The following CCN6 variants were observed in gnomAD, a reference collection of about 807,000 sequenced individuals.
CCN6 encodes the protein CCN family member 6.
In CCN6, 31 loss-of-function variants were observed where a neutral mutation model predicts 37.4. The observed-to-expected ratio is 0.83, with a 90% CI of 0.62 to 1.12. The LOEUF (loss-of-function observed/expected upper bound fraction) is 1.12, where lower values mean the gene tolerates loss of function less well. Ranked by LOEUF, CCN6 falls within the 50% of genes most tolerant of loss-of-function variation. The probability of loss-of-function intolerance (pLI) is 0.00; values close to 1 mark genes in which losing one functional copy is unlikely to be tolerated. For missense variants in CCN6, 369 were observed against 413.8 expected, an observed-to-expected ratio of 0.89 and a Z score of 0.94; for synonymous variants, 137 against 142.1, an observed-to-expected ratio of 0.96 and a Z score of 0.26.
At chr6:112,068,094 A>G (rs1776752602) in intron 3 of CCN6, 111 bp from the exon 4 acceptor site, 2 of 930,002 alleles carry the variant, frequency 2.2e-6, no homozygotes, top group African/African-American at 1.7e-5. Flanking sequence ...ATTCTGAGTT[A>G]TATTATACAA....
Position 112,054,286 on chromosome 6 carries a change from C to A in CCN6, c.-72C>A, listed in dbSNP as rs1554311337. On this transcript the variant is annotated 5_prime_UTR_variant, in exon 1 of 5. Coordinates refer to ENST00000368666, the MANE Select transcript of CCN6 (RefSeq NM_198239.2). Reference sequence around the variant, plus strand: ...GGGGTTTGCAGAGGAGACAGGGGAGCTTTGTGTACCCGGAGCAATGAACAA... The same window carrying A: ...GGGGTTTGCAGAGGAGACAGGGGAGATTTGTGTACCCGGAGCAATGAACAA... The A allele has an allele frequency of 6.2e-7, 1 of 1,612,552 alleles. No individual in the cohort carries two copies. Among genetic ancestry groups the A allele is most frequent in the Non-Finnish European group, 8.5e-7 (1 of 1,178,900 alleles).
In CCN6 at chr6:112,069,385, C is replaced by A; in HGVS notation, c.830C>A (p.Ala277Asp). 1 of 1,613,636 alleles carries A rather than the reference C, an allele frequency of 6.2e-7. No individual in the cohort carries two copies. Among genetic ancestry groups the A allele is most frequent in the Non-Finnish European group, 8.5e-7 (1 of 1,179,848 alleles). The change falls in exon 5 of 5, where the codon GCT becomes GAT. Residue 277 changes from alanine (A) to aspartate (D), a missense_variant. Transcript: ENST00000368666. The stretch of plus-strand genomic sequence containing the variant: ...CAACCTACTTTCCAACTCTCCAAAG[C>A]TGAAAAATTTGTCTTTTCTGGATGC... ...TCQPTFQLSK[A>D]EKFVFSGCSS... is the part of the protein sequence containing the mutation.
Position 112,069,650 on chromosome 6 carries a change from A to G in CCN6, c.*30A>G. ...AAGCAAATGGGGGAAAAGTTAGTCA[A>G]TCCTGTCATATAATAAAAAAATTAG... On this transcript the variant is annotated 3_prime_UTR_variant, in exon 5 of 5. Transcript: ENST00000368666. 3 of 1,612,448 alleles carry G rather than the reference A, an allele frequency of 1.9e-6. No individual in the cohort carries two copies. The African/African-American group carries it at 4.0e-5, about 22-fold the overall frequency.
chr6:112,069,234 T>C, intron 4 of CCN6, 105 bp from the exon 5 acceptor site: 4 of 1,332,330 alleles, frequency 3.0e-6, no homozygotes, highest in Non-Finnish European at 4.1e-6. Flanking sequence ...GCAACTTTTA[T>C]TAATGCCTCC....
intron 1 of CCN6, among the ~76,000 whole-genome samples, chr6:112,059,021 C>G (rs1776430666): frequency 6.6e-6 from 1 of 152,086 alleles, no homozygotes; most frequent in African/African-American, 2.4e-5. Flanking sequence ...GGGATGAGGT[C>G]TAGGCTGGAG....
In CCN6 at chr6:112,060,981, T is replaced by A; in HGVS notation, c.49-10T>A. The A allele has an allele frequency of 6.2e-7, 1 of 1,613,912 alleles. No individual in the cohort carries two copies. Among genetic ancestry groups the A allele is most frequent in the South Asian group, 1.1e-5 (1 of 91,064 alleles). ...GCTATTTCTAACATCACCTTTATTA[T>A]CAAATGAAGTTCTGCTGCAGGGTAC... is the stretch of plus-strand genomic sequence containing the variant. On this transcript the variant is annotated splice_polypyrimidine_tract_variant and intron_variant, in intron 1 of 4. Transcript: ENST00000368666.
chr6:112,056,516 T>C (rs1776352761), intron 1 of CCN6, among the ~76,000 whole-genome samples: 1 of 152,070 alleles, frequency 6.6e-6, no homozygotes, highest in Admixed American at 6.6e-5. Context: ...CAGTCTACTG[T>C]TATGATTTTC....
At position 112,066,953 on chromosome 6, in the gene CCN6, C is replaced by A. The variant is rs782477626; in HGVS notation, c.590-1252C>A. 6.6e-6 allele frequency: 9 copies of A among 1,365,372 alleles called. No individual in the cohort carries two copies. The African/African-American group carries it at 8.9e-5, about 13-fold the overall frequency. 84.6% of individuals were successfully genotyped at this position (1,365,372 alleles called of 1,614,324 possible). ...ACTGGTAACACGGTAATCTAACCTG[C>A]CTTTATTTATTGCAGATGTGTGCCA... On this transcript the variant is annotated intron_variant, in intron 3 of 4. Coordinates refer to ENST00000368666, the MANE Select transcript of CCN6 (RefSeq NM_198239.2).
intron 1 of CCN6, among the ~76,000 whole-genome samples, chr6:112,058,465 T>C (rs1282051892): frequency 2.0e-5 from 3 of 152,242 alleles, no homozygotes; most frequent in Admixed American, 2.0e-4. Flanking sequence ...GTGCTGGTGG[T>C]ATACTCACAA....
At chr6:112,053,498 G>T (rs1365279091), upstream of CCN6, among the ~76,000 whole-genome samples, 4 of 151,142 alleles carry the variant, frequency 2.6e-5, no homozygotes, top group African/African-American at 9.7e-5. Context: ...GCAGAGACGG[G>T]ATTTCATCAT....
At chr6:112,063,109 A>G (rs1385527022) in intron 2 of CCN6, among the ~76,000 whole-genome samples, 1 of 152,228 alleles carries the variant, frequency 6.6e-6, no homozygotes, top group African/African-American at 2.4e-5. Context: ...TGTCTAGCTC[A>G]ATAGAAGATA....
chr6:112,057,652 T>C (rs1196220853), intron 1 of CCN6, among the ~76,000 whole-genome samples: 11 of 152,184 alleles, frequency 7.2e-5, no homozygotes, highest in Admixed American at 7.2e-4. Context: ...TAGGTAGTTA[T>C]CTCACGGGTC....
chr6:112,056,854 G>A (rs1466759114), intron 1 of CCN6, among the ~76,000 whole-genome samples: 3 of 151,788 alleles, frequency 2.0e-5, no homozygotes, highest in Non-Finnish European at 4.4e-5. Context: ...TGGGTTGACA[G>A]GTTGTTTTTT....
chr6:112,058,086 A>AT (rs1415819804), intron 1 of CCN6, among the ~76,000 whole-genome samples: 1 of 152,098 alleles, frequency 6.6e-6, no homozygotes, highest in African/African-American at 2.4e-5. Context: ...TAAGTTTAAA[A>AT]TTTTTTTAGG....
chr6:112,058,995 T>A (rs1171503379), intron 1 of CCN6, among the ~76,000 whole-genome samples: 1 of 152,202 alleles, frequency 6.6e-6, no homozygotes, highest in Non-Finnish European at 1.5e-5. Flanking sequence ...TAGCAACTAA[T>A]AAGTTGTAAG....
At chr6:112,058,439 C>G (rs1417572012) in intron 1 of CCN6, among the ~76,000 whole-genome samples, 3 of 152,176 alleles carry the variant, frequency 2.0e-5, no homozygotes, top group African/African-American at 7.2e-5. Context: ...AAGCAAATTG[C>G]CAGGCACTGT....
intron 1 of CCN6, among the ~76,000 whole-genome samples, chr6:112,056,305 CG>C: frequency 6.6e-6 from 1 of 152,104 alleles, no homozygotes; most frequent in East Asian, 1.9e-4. Flanking sequence ...TACCCAGAAA[CG>C]GTTTTTATTT....
At chr6:112,069,169 C>A (rs1383069205) in intron 4 of CCN6, among the ~76,000 whole-genome samples, 170 bp from the exon 5 acceptor site, 1 of 152,048 alleles carries the variant, frequency 6.6e-6, no homozygotes, top group Non-Finnish European at 1.5e-5. Flanking sequence ...AGAGGACAGA[C>A]CTCTGATAAG....
intron 3 of CCN6, among the ~76,000 whole-genome samples, chr6:112,065,620 A>ACACGCG (rs1227862461): frequency 4.7e-4 from 62 of 131,046 alleles, no homozygotes; most frequent in African/African-American, 1.8e-3. Flanking sequence ...GCACACACAC[A>ACACGCG]CGCACGCACA....
Sources: allele counts gnomAD v4.1 joint callset (sites outside exome capture counted in the v4.1 genomes callset), GRCh38; gene constraint gnomAD v4.1.1; transcripts MANE v1.5; gene names NCBI Gene and HGNC (gene_info 2026-07-23, HGNC 2026-07-21).